SOX5: variants seen among roughly 807,000 people sequenced by gnomAD.
The protein encoded by SOX5 is SRY-box transcription factor 5.
A neutral mutation model predicts 92.0 loss-of-function variants in SOX5; 9 were observed. The ratio of observed to expected loss-of-function variants is 0.10; its 90% confidence interval spans 0.06 to 0.17. SOX5 has a LOEUF of 0.17. Among genes scored for constraint, SOX5 ranks in the 10% least tolerant of loss-of-function variants. The pLI is 1.00. For synonymous variants in SOX5, 344 were observed against 336.3 expected (o/e 1.02, Z -0.25); for missense variants, 642 against 944.5 (o/e 0.68, Z 4.20).
chr12:23,704,703 TATATATATATATACAC>T (rs1192072561), intron 6 of SOX5, among the ~76,000 whole-genome samples: 3 of 131,260 alleles, frequency 2.3e-5, no homozygotes, highest in Non-Finnish European at 5.0e-5. Context: ...TATATATATA[TATATATATATATACAC>T]ACACACACAC....
At chr12:23,534,962 G>A (rs1367278578) in intron 14 of SOX5, among the ~76,000 whole-genome samples, 2 of 151,864 alleles carry the variant, frequency 1.3e-5, no homozygotes, top group African/African-American at 2.4e-5. Flanking sequence ...CACCTGCCTC[G>A]GCCTCCCAAA....
intron 9 of SOX5, among the ~76,000 whole-genome samples, chr12:23,585,947 A>T (rs1034776881): frequency 6.6e-6 from 1 of 152,064 alleles, no homozygotes; most frequent in Non-Finnish European, 1.5e-5. Flanking sequence ...CACACCTGAC[A>T]CCTGGTCAAT....
At chr12:24,175,889 G>A (rs1011087497) in intron 4 of SOX5, among the ~76,000 whole-genome samples, 3 of 152,148 alleles carry the variant, frequency 2.0e-5, no homozygotes, top group African/African-American at 7.2e-5. Flanking sequence ...GTATCTAGGG[G>A]CCTCTCTTAC....
chr12:23,836,309 T>C (rs1257102203), intron 3 of SOX5, among the ~76,000 whole-genome samples: 1 of 151,936 alleles, frequency 6.6e-6, no homozygotes, highest in East Asian at 1.9e-4. Flanking sequence ...CCATGCACTT[T>C]AGCATCCCAT....
intron 1 of SOX5, among the ~76,000 whole-genome samples, chr12:24,546,725 A>G (rs1279860865): frequency 6.6e-6 from 1 of 152,220 alleles, no homozygotes; most frequent in Non-Finnish European, 1.5e-5. Flanking sequence ...AATCTAAGAA[A>G]TATAACTGAT....
chr12:24,323,578 A>T (rs895897171), intron 2 of SOX5, among the ~76,000 whole-genome samples: 1 of 152,110 alleles, frequency 6.6e-6, no homozygotes, highest in Non-Finnish European at 1.5e-5. Context: ...GTAATTAAAA[A>T]TCACTGCTAT....
intron 2 of SOX5, among the ~76,000 whole-genome samples, chr12:23,880,847 A>G (rs2096980913): frequency 1.3e-5 from 2 of 152,232 alleles, no homozygotes; most frequent in Non-Finnish European, 2.9e-5. Context: ...GAATAACATA[A>G]GATTAAAATG....
chr12:24,481,257 G>A lies in SOX5; in HGVS notation c.-251+81072C>T, dbSNP rs1305382837. Reference sequence around the variant, plus strand: ...AGTAGAAGGATGGTTACCAGAGGCTGGAAAGCGTAGTGGGGGTGGGGGGTT... The same window carrying A: ...AGTAGAAGGATGGTTACCAGAGGCTAGAAAGCGTAGTGGGGGTGGGGGGTT... On this transcript the variant is annotated intron_variant, in intron 1 of 4. Transcript: ENST00000446891. 3.3e-5 allele frequency among the ~76,000 whole-genome samples: 5 copies of A among 152,098 alleles called. No individual in the cohort carries two copies. In the East Asian group the frequency reaches 5.8e-4, roughly 18 times the overall value.
chr12:24,108,143 T>C (rs1946895028), intron 4 of SOX5, among the ~76,000 whole-genome samples: 1 of 152,200 alleles, frequency 6.6e-6, no homozygotes, highest in African/African-American at 2.4e-5. Flanking sequence ...CTGTGTAAGT[T>C]GCATTACATT....
intron 2 of SOX5, among the ~76,000 whole-genome samples, chr12:23,891,897 T>A (rs11047150): frequency 0.018 from 2,737 of 152,246 alleles, 81 homozygotes; most frequent in African/African-American, 0.062. Flanking sequence ...TATACATTAG[T>A]AGATTCTACT....
At chr12:23,947,658 C>G (rs764799975) in intron 1 of SOX5, among the ~76,000 whole-genome samples, 2 of 151,238 alleles carry the variant, frequency 1.3e-5, no homozygotes, top group Non-Finnish European at 3.0e-5. Flanking sequence ...TTGATTATCA[C>G]TTGCTTATTT....
At chr12:24,152,204 A>G (rs1951726835) in intron 4 of SOX5, among the ~76,000 whole-genome samples, 1 of 152,190 alleles carries the variant, frequency 6.6e-6, no homozygotes, top group African/African-American at 2.4e-5. Context: ...TCATGGGTAC[A>G]ACTAATATTT....
At chr12:24,390,534 T>C (rs78556033) in intron 1 of SOX5, among the ~76,000 whole-genome samples, 12,338 of 152,196 alleles carry the variant, frequency 0.081, 571 homozygotes, top group Middle Eastern at 0.14. Flanking sequence ...ATTGCCCAAA[T>C]AGTGTACATT....
chr12:23,740,763 T>C lies in SOX5; in HGVS notation c.741+104A>G. ...CTTTGAATTTATTTAACTGGGGAGGTGGAAGGGACTCTTATTCATTGTTGT... is the reference window on the plus strand; with the variant it reads ...CTTTGAATTTATTTAACTGGGGAGGCGGAAGGGACTCTTATTCATTGTTGT... On this transcript the variant is annotated intron_variant, in intron 5 of 14. Coordinates refer to ENST00000451604, the MANE Select transcript of SOX5 (RefSeq NM_006940.6). 4.2e-6 allele frequency: 4 copies of C among 954,568 alleles called. No homozygotes were observed. In the South Asian group the frequency reaches 1.0e-4, roughly 24 times the overall value. 59.1% of individuals were successfully genotyped at this position (954,568 alleles called of 1,614,324 possible).
intron 2 of SOX5, among the ~76,000 whole-genome samples, chr12:24,294,976 G>C (rs572245593): frequency 6.6e-6 from 1 of 152,246 alleles, no homozygotes; most frequent in Admixed American, 6.5e-5. Context: ...TTGACACAAT[G>C]AAGTATAGGA....
chr12:23,851,564 C>T (rs922382172), intron 2 of SOX5, among the ~76,000 whole-genome samples: 2 of 151,652 alleles, frequency 1.3e-5, no homozygotes, highest in South Asian at 2.1e-4. Flanking sequence ...ACAGACAGAC[C>T]TCTGAAGAGT....
intron 10 of SOX5, among the ~76,000 whole-genome samples, chr12:23,568,910 C>T (rs751993693): frequency 2.0e-5 from 3 of 149,666 alleles, no homozygotes; most frequent in Non-Finnish European, 3.0e-5. Flanking sequence ...AAAAAAATGC[C>T]GGGCATGGTG....
At chr12:24,497,764 G>C (rs1947793157) in intron 1 of SOX5, among the ~76,000 whole-genome samples, 1 of 152,094 alleles carries the variant, frequency 6.6e-6, no homozygotes. Flanking sequence ...GTTCATTACA[G>C]CACTATTCAC....
At position 23,838,512 on chromosome 12, in the gene SOX5, TTACCTTTCTGAAAC is replaced by T. The variant is rs1299064592; in HGVS notation, c.481+7457_481+7470del. Among the ~76,000 whole-genome samples the T allele has an allele frequency of 2.0e-5, 3 of 152,058 alleles. No homozygotes were observed. In the East Asian group the frequency reaches 5.8e-4, roughly 29 times the overall value. On this transcript the variant is annotated intron_variant, in intron 3 of 14. Coordinates refer to ENST00000451604, the MANE Select transcript of SOX5 (RefSeq NM_006940.6). ...TAGTGGTTCTATGTTTATGCTAAAA[TTACCTTTCTGAAAC>T]TAACACTTTTAGATGCTTGCTTTGT... is the stretch of plus-strand genomic sequence containing the variant.
Sources: gnomAD v4.1 joint callset for allele counts (sites outside exome capture counted in the v4.1 genomes callset) on GRCh38, gnomAD v4.1.1 for gene constraint, MANE v1.5 for transcripts, NCBI Gene and HGNC (gene_info 2026-07-23, HGNC 2026-07-21) for gene names.